Variants in RCAN1 observed in about 807,000 individuals in gnomAD.
RCAN1 encodes the protein calcipressin-1.
Under a neutral mutation model 22.9 loss-of-function variants are expected in RCAN1, and 11 were observed. The observed-to-expected ratio is 0.48, with a 90% CI of 0.30 to 0.79. RCAN1 has a LOEUF of 0.79. RCAN1 is among the 30% of genes least tolerant of loss of function. The pLI, the probability that RCAN1 is intolerant of heterozygous loss-of-function variation, is 0.06. For missense variants in RCAN1, 291 were observed against 337.8 expected, an observed-to-expected ratio of 0.86 and a Z score of 1.09; for synonymous variants, 136 against 142.3, an observed-to-expected ratio of 0.96 and a Z score of 0.32.
chr21:34,574,519 C>A (rs1192459158), intron 1 of RCAN1, among the ~76,000 whole-genome samples: 1 of 152,164 alleles, frequency 6.6e-6, no homozygotes, highest in East Asian at 1.9e-4. Context: ...GAAGGTAGAT[C>A]AGCCTCAGGT....
At chr21:34,567,606 A>G (rs1292580356) in intron 1 of RCAN1, among the ~76,000 whole-genome samples, 2 of 152,084 alleles carry the variant, frequency 1.3e-5, no homozygotes, top group Admixed American at 6.6e-5. Flanking sequence ...AGTTGAGAAC[A>G]CAAGCTCTAA....
At chr21:34,559,036 C>T (rs2834540) in intron 1 of RCAN1, among the ~76,000 whole-genome samples, 103,983 of 152,156 alleles carry the variant, frequency 0.68, 36,783 homozygotes, top group African/African-American at 0.86. Context: ...ATGCTAAAAA[C>T]AGGTTTCCAA....
intron 3 of RCAN1, chr21:34,521,096 G>T: frequency 1.6e-6 from 2 of 1,266,558 alleles, no homozygotes. Flanking sequence ...AATTTATTTT[G>T]ATTAAAAATA....
At chr21:34,578,166 G>A (rs145271626) in intron 1 of RCAN1, among the ~76,000 whole-genome samples, 1,571 of 152,272 alleles carry the variant, frequency 0.01, 95 homozygotes, top group Admixed American at 0.094. Context: ...CAAGAGGTGC[G>A]TTAGGGAATG....
chr21:34,551,260 GAAGGTCTGTGGCTGGCTTCTAAA>G (rs1397749164), intron 1 of RCAN1, among the ~76,000 whole-genome samples: 61 of 152,204 alleles, frequency 4.0e-4, no homozygotes, highest in Non-Finnish European at 7.5e-4. Context: ...TGGTGTGTAT[GAAGGTCTGTGGCTGGCTTCTAAA>G]CTGGAAAAGT....
chr21:34,569,604 T>C (rs970627470), intron 1 of RCAN1, among the ~76,000 whole-genome samples: 3 of 151,942 alleles, frequency 2.0e-5, no homozygotes, highest in African/African-American at 7.2e-5. Context: ...GAAATCACTG[T>C]GGCAGAGCTT....
At chr21:34,573,536 G>C (rs62211899) in intron 1 of RCAN1, among the ~76,000 whole-genome samples, 5,939 of 152,190 alleles carry the variant, frequency 0.039, 178 homozygotes, top group East Asian at 0.14. Context: ...GGGTCAAACT[G>C]CCAGTCACCA....
chr21:34,535,307 A>T (rs1311272103), intron 1 of RCAN1, among the ~76,000 whole-genome samples: 1 of 152,202 alleles, frequency 6.6e-6, no homozygotes, highest in African/African-American at 2.4e-5. Context: ...GGCAATCAGG[A>T]AATGGGCTCA....
rs555230360 is a variant in RCAN1 at position 34,586,326 on chromosome 21, T to C, written c.252+28434A>G. Among the ~76,000 whole-genome samples the C allele has an allele frequency of 2.0e-4, 31 of 151,812 alleles. No homozygotes were observed. In the East Asian group the frequency reaches 5.6e-3, roughly 28 times the overall value. On this transcript the variant is annotated intron_variant, in intron 1 of 3. Transcript: ENST00000313806. ...GAGCTACAAAGCAAGTCTGAAAAAA[T>C]GTCAAAGGACTGAGAGTGTTTTCTG... is the stretch of plus-strand genomic sequence containing the variant.
chr21:34,562,980 C>T (rs1435788858), intron 1 of RCAN1, among the ~76,000 whole-genome samples: 2 of 152,168 alleles, frequency 1.3e-5, no homozygotes, highest in Non-Finnish European at 2.9e-5. Flanking sequence ...TCATTTCCAC[C>T]TTTGTTTGAC....
rs1163824625 is a variant in RCAN1 at position 34,567,554 on chromosome 21, C to CA, written c.253-43845dup. Among the ~76,000 whole-genome samples, 312 of 69,968 alleles carry CA rather than the reference C, an allele frequency of 4.5e-3. 1 individual carries two copies. Among genetic ancestry groups the CA allele is most frequent in the Middle Eastern group, 0.023 (2 of 88 alleles). 45.9% of individuals were successfully genotyped at this position (69,968 alleles called of 152,430 possible). ...TGGAAGACAGAGTGAGACTCCATCT[C>CA]AAAAAAAAAAAAAAAAGAAAGAAAC... On this transcript the variant is annotated intron_variant, in intron 1 of 3. Transcript: ENST00000313806.
At chr21:34,561,710 G>T (rs549029841) in intron 1 of RCAN1, among the ~76,000 whole-genome samples, 6 of 152,206 alleles carry the variant, frequency 3.9e-5, no homozygotes, top group South Asian at 2.1e-4. Context: ...GAAAAAAAGA[G>T]AAGCTAAACA....
intron 1 of RCAN1, among the ~76,000 whole-genome samples, chr21:34,608,275 C>A (rs1427125756): frequency 1.3e-5 from 2 of 152,132 alleles, no homozygotes; most frequent in Non-Finnish European, 2.9e-5. Flanking sequence ...TGTTGGGGAC[C>A]ACTGGCCTAT....
chr21:34,597,734 G>A (rs1047854700), intron 1 of RCAN1, among the ~76,000 whole-genome samples: 1 of 152,162 alleles, frequency 6.6e-6, no homozygotes, highest in African/African-American at 2.4e-5. Context: ...TTATAAACAA[G>A]ATGGAAAAAT....
chr21:34,606,390 G>T (rs116802923), intron 1 of RCAN1, among the ~76,000 whole-genome samples: 1,870 of 152,226 alleles, frequency 0.012, 26 homozygotes, highest in African/African-American at 0.037. Flanking sequence ...ACCTGCAACT[G>T]TCTTGGTAAA....
At chr21:34,592,693 G>A (rs1164327434) in intron 1 of RCAN1, among the ~76,000 whole-genome samples, 1 of 151,802 alleles carries the variant, frequency 6.6e-6, no homozygotes, top group African/African-American at 2.4e-5. Flanking sequence ...CCCCTCAAAC[G>A]TGAACAGAAC....
chr21:34,576,315 T>C (rs1203342997), intron 1 of RCAN1, among the ~76,000 whole-genome samples: 1 of 152,218 alleles, frequency 6.6e-6, no homozygotes, highest in Non-Finnish European at 1.5e-5. Context: ...CTCTGGAGGC[T>C]GTGTCCTCTA....
intron 1 of RCAN1, among the ~76,000 whole-genome samples, chr21:34,543,531 C>G (rs1297635082): frequency 6.6e-6 from 1 of 152,172 alleles, no homozygotes; most frequent in Non-Finnish European, 1.5e-5. Context: ...CAGAACTGTA[C>G]AGTCATAAAT....
At chr21:34,536,115 C>T (rs1474751065) in intron 1 of RCAN1, among the ~76,000 whole-genome samples, 1 of 152,128 alleles carries the variant, frequency 6.6e-6, no homozygotes, top group Non-Finnish European at 1.5e-5. Context: ...AACCACCCCA[C>T]TGTAACTTCT....
Sources: gnomAD v4.1 joint callset for allele counts (sites outside exome capture counted in the v4.1 genomes callset) on GRCh38, gnomAD v4.1.1 for gene constraint, MANE v1.5 for transcripts, NCBI Gene and HGNC (gene_info 2026-07-23, HGNC 2026-07-21) for gene names.